INVS: variants seen among roughly 807,000 people sequenced by gnomAD.
INVS encodes the protein inversion of embryo turning homolog.
In INVS, 86 loss-of-function variants were observed where a neutral mutation model predicts 108.8. The observed-to-expected ratio is 0.79, with a 90% CI of 0.66 to 0.95. INVS has a LOEUF of 0.95. Ranked by LOEUF, INVS falls within the 40% of genes least tolerant of loss-of-function variation. The pLI, the probability that INVS is intolerant of heterozygous loss-of-function variation, is 0.00. For missense variants in INVS, 1,169 were observed against 1,297.4 expected (o/e 0.90, Z 1.52); for synonymous variants, 455 against 473.5 (o/e 0.96, Z 0.51).
chr9:100,126,168 A>C (rs978986314), intron 2 of INVS, among the ~76,000 whole-genome samples: 3 of 152,210 alleles, frequency 2.0e-5, no homozygotes, highest in Non-Finnish European at 4.4e-5. Context: ...AGCCCCACCT[A>C]CTTTCAGTGT....
Position 100,139,629 on chromosome 9 carries a change from A to G in INVS, c.273+13080A>G, listed in dbSNP as rs1292697343. ...AACAATTTATTGAGGTGAAATACAC[A>G]TAGCATAAAATTAACCCTTTTTTTG... On this transcript the variant is annotated intron_variant, in intron 3 of 16. Transcript: ENST00000262457. 3.9e-5 allele frequency among the ~76,000 whole-genome samples: 6 copies of G among 152,326 alleles called. 1 individual carries two copies. In the East Asian group the frequency reaches 5.8e-4, roughly 15 times the overall value.
intron 3 of INVS, among the ~76,000 whole-genome samples, chr9:100,148,400 A>T (rs1404227571): frequency 1.3e-5 from 2 of 152,218 alleles, no homozygotes; most frequent in Non-Finnish European, 2.9e-5. Context: ...AAATTATTTT[A>T]AAAATGATGG....
intron 6 of INVS, among the ~76,000 whole-genome samples, chr9:100,242,270 G>T (rs1831899252): frequency 6.6e-6 from 1 of 152,160 alleles, no homozygotes; most frequent in Non-Finnish European, 1.5e-5. Flanking sequence ...GCTTTATAAA[G>T]TGAAGCCAGG....
At chr9:100,241,486 T>G (rs1292695882) in intron 6 of INVS, among the ~76,000 whole-genome samples, 1 of 152,182 alleles carries the variant, frequency 6.6e-6, no homozygotes, top group African/African-American at 2.4e-5. Flanking sequence ...AGCCATCTCT[T>G]TTTGCACTAA....
At position 100,296,970 on chromosome 9, in the gene INVS, C is replaced by A; in HGVS notation, c.2840C>A (p.Ala947Asp). ...CTTCGGCATATGAAGCAGCTTGGAG[C>A]TGGAGATGTGGACAGATGGAGGCAA... ...SHLRHMKQLG[A>D]GDVDRWRQES... Residue 947 changes from alanine (A) to aspartate (D), a missense_variant, in exon 15 of 17, where the codon GCT becomes GAT. By Grantham distance (126) the Ala-to-Asp change is moderately radical. Around this residue, in one of 3 missense-constraint regions of INVS, gnomAD observed 533 missense variants for 536.0 expected, o/e 0.99. Transcript: ENST00000262457. 6.2e-7 allele frequency: 1 copy of A among 1,614,110 alleles called. No homozygotes were observed. The highest frequency in any genetic ancestry group is 8.5e-7 in the Non-Finnish European group (1 of 1,180,022).
intron 10 of INVS, among the ~76,000 whole-genome samples, chr9:100,254,371 G>T (rs1378812858): frequency 6.6e-6 from 1 of 152,134 alleles, no homozygotes; most frequent in East Asian, 1.9e-4. Context: ...AAGGTTGCCT[G>T]TTCACTCTGA....
intron 3 of INVS, among the ~76,000 whole-genome samples, chr9:100,224,625 T>C (rs954687869): frequency 6.7e-6 from 1 of 149,816 alleles, no homozygotes; most frequent in Non-Finnish European, 1.5e-5. Flanking sequence ...TTCTTTCTCT[T>C]TTTTTTTTTG....
chr9:100,265,759 G>C (rs940702202), intron 11 of INVS, among the ~76,000 whole-genome samples: 2 of 152,126 alleles, frequency 1.3e-5, no homozygotes, highest in Admixed American at 1.3e-4. Flanking sequence ...TAGGGTTATT[G>C]ACCAAGAATC....
chr9:100,160,272 C>T (rs1227580127), intron 3 of INVS, among the ~76,000 whole-genome samples: 2 of 152,190 alleles, frequency 1.3e-5, no homozygotes, highest in Non-Finnish European at 2.9e-5. Context: ...TGAGACAGGA[C>T]TGCTAGATAA....
At chr9:100,218,220 T>C (rs1831049578) in intron 3 of INVS, among the ~76,000 whole-genome samples, 1 of 152,172 alleles carries the variant, frequency 6.6e-6, no homozygotes, top group Admixed American at 6.5e-5. Context: ...TTTATATATA[T>C]ATAGTGAGCA....
intron 3 of INVS, among the ~76,000 whole-genome samples, chr9:100,167,644 TA>T (rs951572391): frequency 6.6e-6 from 1 of 152,252 alleles, no homozygotes; most frequent in African/African-American, 2.4e-5. Context: ...ATATTTTACT[TA>T]TTTATCTTGC....
chr9:100,298,351 C>G, intron 16 of INVS: 1 of 980,810 alleles, frequency 1.0e-6, no homozygotes, highest in Non-Finnish European at 1.2e-6. Context: ...TGGTGTCACA[C>G]TATGATCCCC....
At chr9:100,174,117 T>A (rs1468709166) in intron 3 of INVS, among the ~76,000 whole-genome samples, 2 of 152,128 alleles carry the variant, frequency 1.3e-5, no homozygotes, top group Non-Finnish European at 2.9e-5. Flanking sequence ...TGAGAAAAAG[T>A]AACAATGGAG....
chr9:100,181,080 C>G (rs998186550), intron 3 of INVS, among the ~76,000 whole-genome samples: 11 of 152,078 alleles, frequency 7.2e-5, no homozygotes, highest in African/African-American at 1.7e-4. Context: ...ATTCAACACC[C>G]CTTCATGCTA....
intron 3 of INVS, among the ~76,000 whole-genome samples, chr9:100,210,516 C>T (rs1330918137): frequency 1.3e-5 from 2 of 152,144 alleles, no homozygotes; most frequent in African/African-American, 4.8e-5. Flanking sequence ...GTTCAACTGC[C>T]ATCTCTTTCA....
At chr9:100,260,105 T>C (rs768484965) in intron 10 of INVS, among the ~76,000 whole-genome samples, 1 of 151,520 alleles carries the variant, frequency 6.6e-6, no homozygotes, top group Non-Finnish European at 1.5e-5. Context: ...TTCCTGACCT[T>C]GTGATCTGCC....
intron 3 of INVS, among the ~76,000 whole-genome samples, chr9:100,196,462 T>G (rs1830378413): frequency 6.6e-6 from 1 of 152,028 alleles, no homozygotes; most frequent in African/African-American, 2.4e-5. Flanking sequence ...TCGGAAACTG[T>G]TTTTACTACC....
At chr9:100,139,145 GT>G (rs1389450186) in intron 3 of INVS, among the ~76,000 whole-genome samples, 1 of 152,126 alleles carries the variant, frequency 6.6e-6, no homozygotes, top group African/African-American at 2.4e-5. Context: ...TGTTGTTGTT[GT>G]TTTCATGATG....
At chr9:100,281,542 A>C (rs1833277088) in intron 12 of INVS, among the ~76,000 whole-genome samples, 1 of 152,226 alleles carries the variant, frequency 6.6e-6, no homozygotes, top group Non-Finnish European at 1.5e-5. Context: ...CTGCTATTAC[A>C]TCAAAGAACC....
Sources: allele counts gnomAD v4.1 joint callset (sites outside exome capture counted in the v4.1 genomes callset), GRCh38; gene constraint gnomAD v4.1.1; regional missense constraint gnomAD v4.1.1; transcripts MANE v1.5; gene names NCBI Gene and HGNC (gene_info 2026-07-23, HGNC 2026-07-21).